The following F9 variants were observed in gnomAD, a reference collection of about 807,000 sequenced individuals.
The protein encoded by F9 is coagulation factor IX.
Under a neutral mutation model 34.1 loss-of-function variants are expected in F9, and 2 were observed. That is an observed-to-expected ratio of 0.06 (90% CI 0.02 to 0.18). F9 has a LOEUF of 0.18. F9 is among the 10% of genes least tolerant of loss of function. The pLI is 1.00. For missense variants in F9, 216 were observed against 345.1 expected (o/e 0.63, Z 2.96); for synonymous variants, 137 against 118.8 (o/e 1.15, Z -1.00).
At chrX:139,532,409 G>C (rs972412857) in intron 1 of F9, among the ~76,000 whole-genome samples, 1 of 111,926 alleles carries the variant, frequency 8.9e-6, no homozygotes, top group African/African-American at 3.2e-5. Context: ...TATTGCAACA[G>C]TTTGGAATTT....
rs974907458 is a variant in F9, at chrX:139,560,670, C to T, written c.724-71C>T. On this transcript the variant is annotated intron_variant, in intron 6 of 7. Transcript: ENST00000218099. ...GCCAATATTTTGCCTATTCCTGTAA[C>T]CAGCACACATATTTATTTTTTTCTA... The T allele has an allele frequency of 1.4e-5, 11 of 763,698 alleles. No individual in the cohort carries two copies. In the African/African-American group the frequency reaches 2.3e-4, roughly 16 times the overall value. The allele number at this position is 763,698 out of a possible 1,213,427, so 62.9% of individuals were successfully genotyped here. A position where few individuals can be genotyped will look rare whatever the true frequency, so the allele number is the denominator to read the frequency against.
chrX:139,554,855 G>A (rs1383458156), intron 6 of F9, among the ~76,000 whole-genome samples: 3 of 112,682 alleles, frequency 2.7e-5, no homozygotes, highest in Non-Finnish European at 5.6e-5. Context: ...TAGCCAGGGT[G>A]GGAAATAAAG....
Position 139,562,172 on chromosome X carries a change from C to A in F9, c.*101C>A. The A allele has an allele frequency of 1.4e-6, 1 of 733,947 alleles. No individual in the cohort carries two copies. Among genetic ancestry groups the A allele is most frequent in the Non-Finnish European group, 2.1e-6 (1 of 486,150 alleles). The allele number at this position is 733,947 out of a possible 1,213,427, so 60.5% of individuals were successfully genotyped here. A position where few individuals can be genotyped will look rare whatever the true frequency, so the allele number is the denominator to read the frequency against. ...ATCTTTTGTTAGATTTGAATATATA[C>A]ATTCTATGATCATTGCTTTTTCTCT... On this transcript the variant is annotated 3_prime_UTR_variant, in exon 8 of 8. Transcript: ENST00000218099.
In F9 at chrX:139,541,118, G is replaced by A. The variant is rs377592837; in HGVS notation, c.320G>A (p.Ser107Asn). The change falls in exon 4 of 8, where the codon AGT becomes AAT. Residue 107 changes from serine to asparagine, a missense_variant. Ser to Asn is a conservative substitution (Grantham distance 46). This residue lies in a region of F9 where 177 missense variants were observed against 311.8 expected (regional missense o/e 0.57). Coordinates refer to ENST00000218099, the MANE Select transcript of F9 (RefSeq NM_000133.4). ...TCCAATCCATGTTTAAATGGCGGCA[G>A]TTGCAAGGATGACATTAATTCCTAT... The part of the protein sequence containing the change: ...CESNPCLNGG[S>N]CKDDINSYEC... 1 of 1,201,944 alleles carries A rather than the reference G, an allele frequency of 8.3e-7. No individual in the cohort carries two copies. The highest frequency in any genetic ancestry group is 1.1e-6 in the Non-Finnish European group (1 of 888,649).
At chrX:139,535,360 A>C (rs1012796312) in intron 1 of F9, among the ~76,000 whole-genome samples, 2 of 110,808 alleles carry the variant, frequency 1.8e-5, no homozygotes, top group Non-Finnish European at 3.8e-5. Flanking sequence ...CTCTGTCAAA[A>C]AAAAAAGAGT....
In F9 at chrX:139,561,969, T is replaced by C. The variant is rs1300185736; in HGVS notation, c.1284T>C (p.Ile428=). 9.1e-6 allele frequency: 11 copies of C among 1,209,606 alleles called. No individual in the cohort carries two copies. Among genetic ancestry groups the C allele is most frequent in the African/African-American group, 1.7e-5 (1 of 57,152 alleles). ...EVEGTSFLTG[I]ISWGEECAMK... ...AAGGGACCAGTTTCTTAACTGGAAT[T>C]ATTAGCTGGGGTGAAGAGTGTGCAA... Residue 428 remains isoleucine (I), a synonymous_variant, in exon 8 of 8, where the codon ATT becomes ATC. Coordinates refer to ENST00000218099, the MANE Select transcript of F9 (RefSeq NM_000133.4).
intron 1 of F9, among the ~76,000 whole-genome samples, chrX:139,531,863 G>A (rs755713084): frequency 9.0e-6 from 1 of 111,576 alleles, no homozygotes; most frequent in Non-Finnish European, 1.9e-5. Context: ...CTGAAATAAC[G>A]ATAAAAAAAA....
intron 5 of F9, 80 bp downstream of exon 5, chrX:139,548,571 T>C (rs1254551016): frequency 4.8e-6 from 5 of 1,035,805 alleles, no homozygotes; most frequent in Non-Finnish European, 5.3e-6. Context: ...TAATTTTAAT[T>C]CCTACTTGAA....
At chrX:139,540,462 G>T (rs1196524249) in intron 3 of F9, among the ~76,000 whole-genome samples, 1 of 111,937 alleles carries the variant, frequency 8.9e-6, no homozygotes, top group African/African-American at 3.2e-5. Context: ...AACCGAATTT[G>T]TAAAACATAG....
intron 1 of F9, among the ~76,000 whole-genome samples, chrX:139,536,218 T>C (rs1261085523): frequency 4.8e-5 from 5 of 104,897 alleles, no homozygotes; most frequent in African/African-American, 1.4e-4. Flanking sequence ...TACACACACA[T>C]ATATATGTAC....
intron 1 of F9, among the ~76,000 whole-genome samples, chrX:139,535,891 A>C (rs1171057379): frequency 1.8e-5 from 2 of 110,656 alleles, no homozygotes; most frequent in Non-Finnish European, 3.8e-5. Flanking sequence ...AGCTTACTAC[A>C]TACCTAGGTT....
intron 3 of F9, among the ~76,000 whole-genome samples, chrX:139,537,629 G>A (rs4149681): frequency 0.023 from 2,527 of 111,439 alleles, 74 homozygotes; most frequent in African/African-American, 0.078. Flanking sequence ...CACCCCAGGA[G>A]GGTGGAAGGA....
intron 6 of F9, among the ~76,000 whole-genome samples, chrX:139,554,362 T>G (rs1031567335): frequency 2.7e-5 from 3 of 112,150 alleles, no homozygotes; most frequent in Non-Finnish European, 5.6e-5. Context: ...TTCAAAGCAC[T>G]TTTATTCTTT....
At position 139,533,957 on chromosome X, in the gene F9, A is replaced by G. The variant is rs964385133; in HGVS notation, c.89-3053A>G. 1.8e-4 allele frequency among the ~76,000 whole-genome samples: 20 copies of G among 112,209 alleles called. No individual in the cohort carries two copies. The Admixed American group carries it at 1.8e-3, about 10-fold the overall frequency. On this transcript the variant is annotated intron_variant, in intron 1 of 7. Transcript: ENST00000218099. ...AAGTGCTGGATGGATAACAGGAGTT[A>G]GAGCAAAGCGGGGAACCAGAATAGA... is the stretch of plus-strand genomic sequence containing the variant.
intron 6 of F9, among the ~76,000 whole-genome samples, chrX:139,552,446 G>T (rs958653372): frequency 8.9e-6 from 1 of 111,919 alleles, no homozygotes; most frequent in Non-Finnish European, 1.9e-5. Flanking sequence ...AAGAGATTCC[G>T]TCTGTGAGAA....
intron 6 of F9, among the ~76,000 whole-genome samples, chrX:139,553,369 A>C (rs2148363552): frequency 8.9e-6 from 1 of 111,755 alleles, no homozygotes; most frequent in East Asian, 2.8e-4. Flanking sequence ...CAATGTATTT[A>C]ATATCCATGT....
intron 2 of F9, 48 bp from the exon 3 acceptor site, chrX:139,537,314 A>T: frequency 8.7e-7 from 1 of 1,147,123 alleles, no homozygotes; most frequent in Non-Finnish European, 1.2e-6. Context: ...ATCAATACCA[A>T]AACACTTTAG....
chrX:139,542,005 C>T (rs1927613657), intron 4 of F9, among the ~76,000 whole-genome samples: 1 of 111,598 alleles, frequency 9.0e-6, no homozygotes, highest in Non-Finnish European at 1.9e-5. Context: ...TACTCTGACA[C>T]TCTGGAAGAA....
At chrX:139,539,765 A>G (rs1190673261) in intron 3 of F9, among the ~76,000 whole-genome samples, 7 of 112,379 alleles carry the variant, frequency 6.2e-5, no homozygotes, top group Non-Finnish European at 1.3e-4. Flanking sequence ...ATTGGAACAA[A>G]TTAGAGTATC....
Sources: gnomAD v4.1 joint callset for allele counts (sites outside exome capture counted in the v4.1 genomes callset) on GRCh38, gnomAD v4.1.1 for gene constraint, gnomAD v4.1.1 regional missense constraint, MANE v1.5 for transcripts, NCBI Gene and HGNC (gene_info 2026-07-23, HGNC 2026-07-21) for gene names.